Variants in CIITA observed in about 807,000 individuals in gnomAD.
The protein encoded by CIITA is class II major histocompatibility complex transactivator.
Under a neutral mutation model 115.1 loss-of-function variants are expected in CIITA, and 72 were observed. The ratio of observed to expected loss-of-function variants is 0.63; its 90% CI spans 0.52 to 0.76. The LOEUF (loss-of-function observed/expected upper bound fraction) is 0.76. Ranked by LOEUF, CIITA falls within the 30% of genes least tolerant of loss-of-function variation. The pLI is 0.00. For synonymous variants in CIITA, 763 were observed against 635.6 expected (o/e 1.20, Z -3.02); for missense variants, 1,617 against 1,463.8 (o/e 1.10, Z -1.71).
At chr16:10,869,621 A>C (rs940989547) in intron 1 of CIITA, among the ~76,000 whole-genome samples, 1 of 151,532 alleles carries the variant, frequency 6.6e-6, no homozygotes, top group African/African-American at 2.4e-5. Flanking sequence ...AGGTTCATGC[A>C]GTTCTCATGC....
chr16:10,911,841 G>A (rs910998387), intron 13 of CIITA, among the ~76,000 whole-genome samples: 1 of 151,118 alleles, frequency 6.6e-6, no homozygotes, highest in African/African-American at 2.4e-5. Context: ...GCGAGCTCCC[G>A]CACCTGGCCA....
intron 8 of CIITA, among the ~76,000 whole-genome samples, chr16:10,903,327 G>T (rs1051226691): frequency 6.6e-6 from 1 of 152,198 alleles, no homozygotes; most frequent in East Asian, 1.9e-4. Context: ...TCAGGGATGA[G>T]ACCAGGAGGA....
At position 10,922,079 on chromosome 16, in the gene CIITA, C is replaced by T. The variant is rs1185987517; in HGVS notation, c.3150-88C>T. On this transcript the variant is annotated intron_variant, in intron 16 of 19. Transcript: ENST00000324288. ...TTCCCCCAGGGATAGTGGGACCAGG[C>T]TTTTTCTGGAATCTAGGGATGGTGG... is the stretch of plus-strand genomic sequence containing the variant. 6 of 1,199,614 alleles carry T rather than the reference C, an allele frequency of 5.0e-6. No individual in the cohort carries two copies. In the East Asian group the frequency reaches 1.2e-4, roughly 23 times the overall value. The allele number at this position is 1,199,614 out of a possible 1,614,324, so 74.3% of individuals were successfully genotyped here.
At chr16:10,938,884 A>G (rs1314531900), downstream of CIITA, 1 of 152,236 alleles carries the variant, frequency 6.6e-6, no homozygotes. The surrounding 1 kb of genome is among the most constrained non-coding windows in gnomAD (Gnocchi z 4.9). Context: ...TTCAGTTTTT[A>G]GTTCAGAATA....
At chr16:10,895,523 C>T (rs1224594516) in intron 2 of CIITA, 95 bp downstream of exon 2, 3 of 1,577,582 alleles carry the variant, frequency 1.9e-6, no homozygotes, top group East Asian at 2.3e-5. Flanking sequence ...CCTGCCCTCC[C>T]GTCAGCACCA....
At chr16:10,887,079 T>G (rs1489660549) in intron 1 of CIITA, among the ~76,000 whole-genome samples, 7 of 152,150 alleles carry the variant, frequency 4.6e-5, no homozygotes, top group Admixed American at 4.6e-4. Context: ...TCTGGAGGAC[T>G]ACAGGGTGCA....
At position 10,941,553 on chromosome 16, in the gene CIITA, C is replaced by T. The variant is rs1299722395; in HGVS notation, n.679C>T. 14 of 1,443,038 alleles carry T rather than the reference C, an allele frequency of 9.7e-6. No individual in the cohort carries two copies. Among genetic ancestry groups the T allele is most frequent in the African/African-American group, 1.4e-5 (1 of 69,578 alleles). 89.4% of individuals were successfully genotyped at this position (1,443,038 alleles called of 1,614,324 possible). A position where few individuals can be genotyped will look rare whatever the true frequency, so the allele number is the denominator to read the frequency against. On this transcript the variant is annotated non_coding_transcript_exon_variant, in exon 2 of 2. Coordinates refer to the CIITA transcript ENST00000573379. This position sits in a 1 kb window ranked among gnomAD's most constrained non-coding sequence, Gnocchi z 6.4. The stretch of plus-strand genomic sequence containing the variant: ...CGCCCCAACCCGCCCTCATCCTGTT[C>T]AGAGAGGGCACTTACAGGCCTCGGA...
chr16:10,922,251 GT>G lies in CIITA; in HGVS notation c.3233+2del. 1 of 1,614,172 alleles carries G rather than the reference GT, an allele frequency of 6.2e-7. No individual in the cohort carries two copies. Among genetic ancestry groups the G allele is most frequent in the Non-Finnish European group, 8.5e-7 (1 of 1,179,958 alleles). ...ACATGGTGTCCCTCCGGGTGATGGA[GT>G]GAGTGTGGGAGTCTGGGCGGTGGGT... is the stretch of plus-strand genomic sequence containing the variant. On this transcript the variant is annotated splice_donor_variant, in intron 17 of 19. Coordinates refer to ENST00000324288, the MANE Select transcript of CIITA (RefSeq NM_000246.4). LOFTEE classifies it high-confidence loss of function.
At position 10,916,430 on chromosome 16, in the gene CIITA, C is replaced by A. The variant is rs576290462; in HGVS notation, c.3033C>A (p.Phe1011Leu). 2.5e-6 allele frequency: 4 copies of A among 1,612,982 alleles called. No individual in the cohort carries two copies. The highest frequency in any genetic ancestry group is 1.3e-5 in the African/African-American group (1 of 75,034). The change falls in exon 15 of 20, where the codon TTC (phenylalanine) becomes TTA (leucine). Residue 1011 changes from phenylalanine to leucine, a missense_variant. Coordinates refer to ENST00000324288, the MANE Select transcript of CIITA (RefSeq NM_000246.4). Reference protein sequence around the residue: ...DEGVSQLSATFPQLKSLETLN... With the variant: ...DEGVSQLSATLPQLKSLETLN... ...GTGTCTCGCAGCTCTCAGCCACCTT[C>A]CCCCAGCTGAAGTCCTTGGAAACCC...
chr16:10,915,742 T>C, intron 14 of CIITA, 92 bp downstream of exon 14: 2 of 1,123,786 alleles, frequency 1.8e-6, no homozygotes, highest in East Asian at 4.8e-5. Flanking sequence ...TGGCCTCAAG[T>C]AGTCCTCCTG....
chr16:10,895,472 T>TC, intron 2 of CIITA, 44 bp downstream of exon 2: 1 of 1,609,832 alleles, frequency 6.2e-7, no homozygotes, highest in Non-Finnish European at 8.5e-7. Flanking sequence ...CCCCCACCCC[T>TC]CAGCTTGCTG....
rs769447660 is a variant in CIITA at position 10,941,969 on chromosome 16, G to C, written n.1095G>C. ...GGCACGTAGGGGACCAGGGGGCCCA[G>C]TGCGTCCAGGTGGGCCGCGACCCGG... On this transcript the variant is annotated non_coding_transcript_exon_variant, in exon 2 of 2. Coordinates refer to the CIITA transcript ENST00000573379. The surrounding 1 kb of genome is among the most constrained non-coding windows in gnomAD (Gnocchi z 6.4). The C allele has an allele frequency of 8.4e-5, 129 of 1,529,432 alleles. No individual in the cohort carries two copies. Among genetic ancestry groups the C allele is most frequent in the Non-Finnish European group, 9.5e-5 (108 of 1,139,106 alleles). The allele number at this position is 1,529,432 out of a possible 1,614,324, so 94.7% of individuals were successfully genotyped here.
chr16:10,905,414 T>A, intron 10 of CIITA, among the ~76,000 whole-genome samples: 1 of 152,066 alleles, frequency 6.6e-6, no homozygotes. Flanking sequence ...GACCTCCCCA[T>A]GGTGAGTGAG....
rs1365805804 is a variant in CIITA, at chr16:10,920,184, G to A, written c.3149+1658G>A. Among the ~76,000 whole-genome samples, 2 of 152,204 alleles carry A rather than the reference G, an allele frequency of 1.3e-5. No individual in the cohort carries two copies. The highest frequency in any genetic ancestry group is 2.9e-5 in the Non-Finnish European group (2 of 68,038). ...CACAAGAGGTATTTGCAGTTTTTCA[G>A]TGTGAATGGAAAAGTAGGTGGGCCT... On this transcript the variant is annotated intron_variant, in intron 16 of 19. Transcript: ENST00000324288. This position sits in a 1 kb window ranked among gnomAD's most constrained non-coding sequence, Gnocchi z 4.5.
At chr16:10,919,014 C>T (rs547070425) in intron 16 of CIITA, among the ~76,000 whole-genome samples, 2 of 152,114 alleles carry the variant, frequency 1.3e-5, no homozygotes, top group South Asian at 4.1e-4. Context: ...AGGTAATGAG[C>T]GGACTGAGCT....
chr16:10,903,677 A>C, intron 8 of CIITA, 54 bp from the exon 9 acceptor site: 3 of 1,604,538 alleles, frequency 1.9e-6, no homozygotes, highest in South Asian at 1.1e-5. Flanking sequence ...ACCCAAGTGC[A>C]TTTCTGGAAT....
At chr16:10,914,399 GA>G (rs2039806419) in intron 13 of CIITA, among the ~76,000 whole-genome samples, 2 of 152,152 alleles carry the variant, frequency 1.3e-5, no homozygotes, top group Admixed American at 1.3e-4. Flanking sequence ...ATTTCGGAAT[GA>G]ATTCGAGTGA....
chr16:10,873,100 G>A (rs375949520), upstream of CIITA, among the ~76,000 whole-genome samples: 12 of 152,290 alleles, frequency 7.9e-5, no homozygotes, highest in East Asian at 3.9e-4. Flanking sequence ...AGCCTCCCAA[G>A]TAGCTGGGAC....
downstream of CIITA, chr16:10,940,383 T>C (rs890971569): frequency 5.3e-5 from 8 of 152,282 alleles, no homozygotes; most frequent in African/African-American, 1.9e-4. This position sits in a 1 kb window ranked among gnomAD's most constrained non-coding sequence, Gnocchi z 4.2. Flanking sequence ...AGACACCCTC[T>C]GCCTGTGGTT....
Sources: allele counts gnomAD v4.1 joint callset (sites outside exome capture counted in the v4.1 genomes callset), GRCh38; gene constraint gnomAD v4.1.1; non-coding constraint Gnocchi (gnomAD v3.1); transcripts MANE v1.5; gene names NCBI Gene and HGNC (gene_info 2026-07-23, HGNC 2026-07-21).